TCF7L2: variants seen among roughly 807,000 people sequenced by gnomAD.
TCF7L2 encodes transcription factor 7 like 2, also known as transcription factor 7-like 2.
In TCF7L2, 23 loss-of-function variants were observed where a neutral mutation model predicts 77.9. The observed-to-expected ratio is 0.30, with a 90% CI of 0.21 to 0.42. The LOEUF is 0.42. Among genes scored for constraint, TCF7L2 ranks in the 10% least tolerant of loss-of-function variants. The pLI is 1.00. For missense variants in TCF7L2, 654 were observed against 793.1 expected (o/e 0.82, Z 2.11); for synonymous variants, 413 against 340.2 (o/e 1.21, Z -2.36).
Position 113,117,804 on chromosome 10 carries a change from A to G in TCF7L2, c.553-23380A>G, listed in dbSNP as rs141760536. On this transcript the variant is annotated intron_variant, in intron 5 of 13. Transcript: ENST00000627217. Reference sequence around the variant, plus strand: ...AAAATGTCAAAAGATCAAAAAATCAATGGGCCGCAGGAATGCAATCTGTTT... The same window carrying G: ...AAAATGTCAAAAGATCAAAAAATCAGTGGGCCGCAGGAATGCAATCTGTTT... Among the ~76,000 whole-genome samples, 611 of 152,272 alleles carry G rather than the reference A, an allele frequency of 4.0e-3. 5 individuals are homozygous for G. Among genetic ancestry groups the G allele is most frequent in the African/African-American group, 0.014 (581 of 41,562 alleles).
chr10:113,128,181 A>G (rs989686441), intron 5 of TCF7L2, among the ~76,000 whole-genome samples: 6 of 152,116 alleles, frequency 3.9e-5, no homozygotes, highest in African/African-American at 1.4e-4. Flanking sequence ...AGGGAATGGC[A>G]GGGTTTTGTT....
rs141356862 is a variant in TCF7L2 at position 113,059,427 on chromosome 10, A to G, written c.552+19301A>G. 2.0e-3 allele frequency among the ~76,000 whole-genome samples: 308 copies of G among 151,952 alleles called. 3 individuals are homozygous for G. Among genetic ancestry groups the G allele is most frequent in the African/African-American group, 6.6e-3 (273 of 41,440 alleles). On this transcript the variant is annotated intron_variant, in intron 5 of 13. Transcript: ENST00000627217. Reference sequence around the variant, plus strand: ...CTTTTCTTGGCAAAGTGTTCCAAGAAGGAATTGCAACACAGTCTCAGAGTT... The same window carrying G: ...CTTTTCTTGGCAAAGTGTTCCAAGAGGGAATTGCAACACAGTCTCAGAGTT...
intron 5 of TCF7L2, among the ~76,000 whole-genome samples, chr10:113,069,146 C>A (rs1453351957): frequency 6.6e-6 from 1 of 151,922 alleles, no homozygotes; most frequent in Non-Finnish European, 1.5e-5. Flanking sequence ...ATGGGGTACG[C>A]CCCCTTGGAA....
intron 4 of TCF7L2, among the ~76,000 whole-genome samples, chr10:113,007,070 A>G (rs1189910866): frequency 3.3e-5 from 5 of 152,188 alleles, no homozygotes; most frequent in Non-Finnish European, 7.3e-5. Flanking sequence ...GTCCTTGTGT[A>G]TTACCTGGGA....
At chr10:113,020,778 G>A (rs1341015108) in intron 4 of TCF7L2, among the ~76,000 whole-genome samples, 1 of 152,088 alleles carries the variant, frequency 6.6e-6, no homozygotes, top group Non-Finnish European at 1.5e-5. Flanking sequence ...GTGTGAGGGG[G>A]ACAGAGGGGA....
intron 4 of TCF7L2, among the ~76,000 whole-genome samples, chr10:113,024,998 T>C (rs1048962737): frequency 1.4e-4 from 22 of 152,316 alleles, no homozygotes; most frequent in Admixed American, 1.4e-3. Flanking sequence ...GCATTTTGAC[T>C]GTGACTCCTC....
At chr10:113,131,054 C>T (rs200123607) in intron 5 of TCF7L2, among the ~76,000 whole-genome samples, 2 of 152,186 alleles carry the variant, frequency 1.3e-5, no homozygotes, top group East Asian at 3.8e-4. Flanking sequence ...GCGTGAGCCA[C>T]CGTGCCCGGC....
chr10:112,951,639 T>TGCCC (rs764592584), intron 3 of TCF7L2, 32 bp downstream of exon 3: 1,121 of 924,400 alleles, frequency 1.2e-3, no homozygotes, highest in Non-Finnish European at 1.3e-3. Flanking sequence ...CCCCGCCCGC[T>TGCCC]GCCCGCCCGC....
At chr10:113,017,018 G>A (rs1238044632) in intron 4 of TCF7L2, among the ~76,000 whole-genome samples, 1 of 152,172 alleles carries the variant, frequency 6.6e-6, no homozygotes, top group Non-Finnish European at 1.5e-5. Flanking sequence ...CCAGCAAGCA[G>A]AGAAGGGGAT....
chr10:113,047,785 C>G (rs1258961457), intron 5 of TCF7L2, among the ~76,000 whole-genome samples: 3 of 152,116 alleles, frequency 2.0e-5, no homozygotes, highest in Non-Finnish European at 4.4e-5. Context: ...GCCGTTGGCT[C>G]CTGTGATTAA....
chr10:113,129,513 A>G (rs1034825284), intron 5 of TCF7L2: 4 of 1,006,886 alleles, frequency 4.0e-6, no homozygotes, highest in South Asian at 4.0e-5. Flanking sequence ...AAAAAATTAA[A>G]TCTGCAACCA....
intron 4 of TCF7L2, among the ~76,000 whole-genome samples, chr10:113,016,930 G>C (rs2133775923): frequency 6.6e-6 from 1 of 152,272 alleles, no homozygotes; most frequent in East Asian, 1.9e-4. Context: ...AAACTTGCTG[G>C]TGTCTCTCTG....
chr10:113,125,607 A>G (rs888348411), intron 5 of TCF7L2: 2 of 152,222 alleles, frequency 1.3e-5, no homozygotes, highest in African/African-American at 4.8e-5. Flanking sequence ...GCCGGCTCCA[A>G]TGACAAATAC....
intron 5 of TCF7L2, among the ~76,000 whole-genome samples, chr10:113,084,938 CAT>C: frequency 6.6e-6 from 1 of 151,346 alleles, no homozygotes; most frequent in Non-Finnish European, 1.5e-5. Flanking sequence ...AACCCTGACA[CAT>C]AAAATTAATC....
At chr10:112,995,081 A>G (rs1179823023) in intron 4 of TCF7L2, among the ~76,000 whole-genome samples, 2 of 152,228 alleles carry the variant, frequency 1.3e-5, no homozygotes, top group African/African-American at 2.4e-5. Flanking sequence ...AGCCTGGGCA[A>G]CAAGAGCGAA....
chr10:113,117,422 T>C (rs1365501295), intron 5 of TCF7L2, among the ~76,000 whole-genome samples: 13 of 37,946 alleles, frequency 3.4e-4, no homozygotes, highest in East Asian at 9.1e-4. Context: ...TCTCTCTCTC[T>C]CTCTCTCTCT....
intron 3 of TCF7L2, 23 bp downstream of exon 3, chr10:112,951,630 CCCGCCCGCTGCCCGCCCGCCCGCG>C (rs1442982155): frequency 1.8e-6 from 2 of 1,141,238 alleles, no homozygotes; most frequent in Non-Finnish European, 2.2e-6. Flanking sequence ...GCGCCCGGCC[CCCGCCCGCTGCCCGCCCGCCCGCG>C]CCGCCCGCCG....
intron 4 of TCF7L2, among the ~76,000 whole-genome samples, chr10:113,005,181 T>C (rs1427064606): frequency 6.6e-6 from 1 of 152,138 alleles, no homozygotes; most frequent in Non-Finnish European, 1.5e-5. Context: ...CTGAAGACGG[T>C]GTCATAGGTG....
intron 5 of TCF7L2, among the ~76,000 whole-genome samples, chr10:113,068,723 C>G (rs1366720336): frequency 6.6e-6 from 1 of 152,028 alleles, no homozygotes; most frequent in Non-Finnish European, 1.5e-5. Flanking sequence ...TTGGCTGTTC[C>G]CTTGGGCTCT....
Sources: gnomAD v4.1 joint callset for allele counts (sites outside exome capture counted in the v4.1 genomes callset) on GRCh38, gnomAD v4.1.1 for gene constraint, MANE v1.5 for transcripts, NCBI Gene and HGNC (gene_info 2026-07-23, HGNC 2026-07-21) for gene names.